XKR6: variants seen among roughly 807,000 people sequenced by gnomAD.
XKR6 encodes XK related 6.
Under a neutral mutation model 56.7 loss-of-function variants are expected in XKR6, and 22 were observed. The observed-to-expected ratio is 0.39, with a 90% CI of 0.28 to 0.55. The LOEUF (loss-of-function observed/expected upper bound fraction) is 0.55, where lower values mean the gene tolerates loss of function less well. Among genes scored for constraint, XKR6 ranks in the 20% least tolerant of loss-of-function variants. XKR6 has a pLI of 0.66. For synonymous variants in XKR6, 524 were observed against 387.8 expected (o/e 1.35, Z -4.13); for missense variants, 852 against 889.0 (o/e 0.96, Z 0.53).
At chr8:10,997,054 G>A (rs1055665518) in intron 1 of XKR6, among the ~76,000 whole-genome samples, 2 of 152,200 alleles carry the variant, frequency 1.3e-5, no homozygotes, top group South Asian at 4.2e-4. Flanking sequence ...ACACATGTAC[G>A]CCACAACCTT....
At chr8:11,040,023 TC>T (rs1281018586) in intron 1 of XKR6, among the ~76,000 whole-genome samples, 2 of 152,070 alleles carry the variant, frequency 1.3e-5, no homozygotes, top group Non-Finnish European at 2.9e-5. Flanking sequence ...CCTATCCCCA[TC>T]CCGCCACCCT....
At position 11,165,985 on chromosome 8, in the gene XKR6, T is replaced by C. The variant is rs187178090; in HGVS notation, c.764+34591A>G. ...TTTTTTTTTTTTTTGAGATGGAGTC[T>C]CACTCTGTCACCCAGACTGGAGTGC... is the stretch of plus-strand genomic sequence containing the variant. On this transcript the variant is annotated intron_variant, in intron 1 of 2. Coordinates refer to ENST00000416569, the MANE Select transcript of XKR6 (RefSeq NM_173683.4). 7.0e-3 allele frequency among the ~76,000 whole-genome samples: 1,053 copies of C among 150,488 alleles called. 12 individuals are homozygous for C. The highest frequency in any genetic ancestry group is 0.022 in the African/African-American group (880 of 40,818).
At chr8:10,986,277 A>C (rs1167631807) in intron 1 of XKR6, among the ~76,000 whole-genome samples, 1 of 152,258 alleles carries the variant, frequency 6.6e-6, no homozygotes, top group Non-Finnish European at 1.5e-5. Flanking sequence ...TTCTAAATAA[A>C]TTTCAGATGG....
chr8:11,118,819 C>T (rs1457021398), intron 1 of XKR6, among the ~76,000 whole-genome samples: 2 of 151,890 alleles, frequency 1.3e-5, no homozygotes, highest in African/African-American at 4.8e-5. Flanking sequence ...TCAGTTCTGC[C>T]CTGATCTTAG....
chr8:10,900,429 C>T (rs1404348053), intron 2 of XKR6, among the ~76,000 whole-genome samples: 2 of 152,178 alleles, frequency 1.3e-5, no homozygotes, highest in African/African-American at 2.4e-5. Context: ...ACAAAGGTCC[C>T]CTCCTTCCAT....
chr8:11,093,143 C>T (rs961911299), intron 1 of XKR6, among the ~76,000 whole-genome samples: 5 of 150,736 alleles, frequency 3.3e-5, no homozygotes, highest in Middle Eastern at 3.2e-3. Context: ...GCAACCTCCA[C>T]CTCCCGGGTT....
chr8:11,101,832 C>T (rs1296381255), intron 1 of XKR6, among the ~76,000 whole-genome samples: 1 of 152,166 alleles, frequency 6.6e-6, no homozygotes, highest in Admixed American at 6.5e-5. Context: ...TCCTCCTAAG[C>T]CCTTTAGGGA....
chr8:11,164,145 C>A (rs1037823270), intron 1 of XKR6, among the ~76,000 whole-genome samples: 1 of 152,196 alleles, frequency 6.6e-6, no homozygotes. Context: ...TATTCACTGC[C>A]AGAAAGTCAG....
chr8:11,189,608 A>G (rs887572926), intron 1 of XKR6, among the ~76,000 whole-genome samples: 5 of 152,220 alleles, frequency 3.3e-5, no homozygotes, highest in African/African-American at 9.7e-5. Context: ...CAAAAACAAA[A>G]AACAAATTCC....
intron 2 of XKR6, among the ~76,000 whole-genome samples, chr8:10,903,724 G>A (rs1037911774): frequency 2.4e-4 from 36 of 152,116 alleles, no homozygotes; most frequent in African/African-American, 5.3e-4. Flanking sequence ...GAAGACAGGC[G>A]TCTACAATCC....
At chr8:11,030,631 C>T (rs778095802) in intron 1 of XKR6, among the ~76,000 whole-genome samples, 4 of 152,010 alleles carry the variant, frequency 2.6e-5, no homozygotes, top group African/African-American at 4.8e-5. Context: ...GTGACAGGGA[C>T]ATTCCTGGGG....
At chr8:11,048,509 C>A (rs371826971) in intron 1 of XKR6, among the ~76,000 whole-genome samples, 2 of 152,158 alleles carry the variant, frequency 1.3e-5, no homozygotes, top group Non-Finnish European at 2.9e-5. Flanking sequence ...GACACCTGAG[C>A]GTGTGTTAAA....
intron 1 of XKR6, among the ~76,000 whole-genome samples, chr8:11,116,674 T>C (rs2129181792): frequency 6.6e-6 from 1 of 152,238 alleles, no homozygotes; most frequent in African/African-American, 2.4e-5. Context: ...CCAGGCCTAT[T>C]TGCTACCATT....
chr8:10,956,634 C>T (rs970522672), intron 1 of XKR6, among the ~76,000 whole-genome samples: 4 of 152,144 alleles, frequency 2.6e-5, no homozygotes, highest in South Asian at 2.1e-4. Context: ...TGGGGCTTTC[C>T]GAGAGTGCCA....
intron 1 of XKR6, chr8:11,108,116 G>C (rs1021377600): frequency 2.9e-6 from 1 of 339,980 alleles, no homozygotes; most frequent in African/African-American, 2.2e-5. Context: ...TTGGAAACAC[G>C]CAAAGGGACC....
chr8:11,087,475 G>A (rs1003761154), intron 1 of XKR6, among the ~76,000 whole-genome samples: 1 of 152,188 alleles, frequency 6.6e-6, no homozygotes, highest in Non-Finnish European at 1.5e-5. Context: ...GTTTGGCCAA[G>A]GAGACATGGA....
chr8:11,117,165 T>C (rs981551890), intron 1 of XKR6, among the ~76,000 whole-genome samples: 3 of 152,212 alleles, frequency 2.0e-5, no homozygotes, highest in Non-Finnish European at 2.9e-5. Context: ...TTTCCTTAGT[T>C]TAGACTGAAT....
At position 10,898,352 on chromosome 8, in the gene XKR6, G is replaced by A. The variant is rs989102060; in HGVS notation, c.1526C>T (p.Ala509Val). The A allele has an allele frequency of 6.2e-7, 1 of 1,613,994 alleles. No individual in the cohort carries two copies. The highest frequency in any genetic ancestry group is 8.5e-7 in the Non-Finnish European group (1 of 1,179,922). ...HPTGPRAKILASSCCAELLWG... is the reference protein window; with the variant it reads ...HPTGPRAKILVSSCCAELLWG... ...GAGCAGCTCGGCACAACAGGAGCTG[G>A]CAAGGATCTTAGCTCGTGGTCCTGT... The change falls in exon 3 of 3, where the codon GCC becomes GTC. Residue 509 changes from alanine to valine, a missense_variant. Ala to Val is a moderately conservative substitution (Grantham distance 64, BLOSUM62 0). Around this residue, in one of 4 missense-constraint regions of XKR6, gnomAD observed 197 missense variants for 190.9 expected, o/e 1.03. Transcript: ENST00000416569. The surrounding 1 kb of genome is among the most constrained non-coding windows in gnomAD (Gnocchi z 6.6).
intron 1 of XKR6, among the ~76,000 whole-genome samples, chr8:11,164,142 T>G (rs1455578933): frequency 6.6e-5 from 10 of 152,208 alleles, no homozygotes; most frequent in African/African-American, 2.4e-4. Context: ...GCCTATTCAC[T>G]GCCAGAAAGT....
Sources: allele counts gnomAD v4.1 joint callset (sites outside exome capture counted in the v4.1 genomes callset), GRCh38; gene constraint gnomAD v4.1.1; regional missense constraint gnomAD v4.1.1; non-coding constraint Gnocchi (gnomAD v3.1); transcripts MANE v1.5; gene names NCBI Gene and HGNC (gene_info 2026-07-23, HGNC 2026-07-21).